The following MAP2K4 variants were observed in gnomAD, a reference collection of about 807,000 sequenced individuals.
MAP2K4 encodes dual specificity mitogen-activated protein kinase kinase 4.
In MAP2K4, 4 loss-of-function variants were observed where a neutral mutation model predicts 48.5. That is an observed-to-expected ratio of 0.08 (90% CI 0.04 to 0.19). MAP2K4 has a LOEUF of 0.19. Ranked by LOEUF, MAP2K4 falls within the 10% of genes least tolerant of loss-of-function variation. The probability of loss-of-function intolerance (pLI) is 1.00; values close to 1 mark genes in which losing one functional copy is unlikely to be tolerated. For missense variants in MAP2K4, 258 were observed against 493.3 expected (o/e 0.52, Z 4.52); for synonymous variants, 166 against 173.1 (o/e 0.96, Z 0.32).
chr17:12,123,685 G>C (rs1972765453), intron 7 of MAP2K4, among the ~76,000 whole-genome samples: 1 of 151,738 alleles, frequency 6.6e-6, no homozygotes, highest in Non-Finnish European at 1.5e-5. Flanking sequence ...ATTTTCTTCT[G>C]AGCACTACTT....
At chr17:12,132,283 A>G (rs1973053109) in intron 9 of MAP2K4, among the ~76,000 whole-genome samples, 1 of 152,200 alleles carries the variant, frequency 6.6e-6, no homozygotes, top group African/African-American at 2.4e-5. Context: ...TAAAAGACAT[A>G]TGTAAGAATG....
At chr17:12,063,304 G>GATCA (rs1970510128) in intron 2 of MAP2K4, among the ~76,000 whole-genome samples, 1 of 152,042 alleles carries the variant, frequency 6.6e-6, no homozygotes, top group African/African-American at 2.4e-5. Flanking sequence ...TAAACGAATA[G>GATCA]ATCAATGCAA....
chr17:12,060,316 C>T (rs942756661), intron 2 of MAP2K4, among the ~76,000 whole-genome samples: 3 of 152,042 alleles, frequency 2.0e-5, no homozygotes, highest in African/African-American at 4.8e-5. Flanking sequence ...ATTAGAATAG[C>T]GACATACACT....
At chr17:12,109,835 A>G (rs1972245724) in intron 5 of MAP2K4, among the ~76,000 whole-genome samples, 1 of 152,062 alleles carries the variant, frequency 6.6e-6, no homozygotes, top group Non-Finnish European at 1.5e-5. Context: ...TTTATTTTTG[A>G]ACATTTTAGA....
At chr17:12,079,270 A>G (rs1971112708) in intron 2 of MAP2K4, among the ~76,000 whole-genome samples, 2 of 152,236 alleles carry the variant, frequency 1.3e-5, no homozygotes, top group African/African-American at 2.4e-5. Flanking sequence ...AGTGAGCTAA[A>G]CTATTAGTAG....
intron 2 of MAP2K4, among the ~76,000 whole-genome samples, chr17:12,063,966 C>A (rs1466299836): frequency 3.1e-5 from 2 of 65,206 alleles, no homozygotes; most frequent in African/African-American, 1.1e-4. Flanking sequence ...GAGCAAAATT[C>A]TGTCAGGGGG....
At chr17:12,119,801 A>C (rs1248739655) in intron 7 of MAP2K4, among the ~76,000 whole-genome samples, 1 of 152,234 alleles carries the variant, frequency 6.6e-6, no homozygotes, top group Non-Finnish European at 1.5e-5. Context: ...ACTGTGGAAT[A>C]CTCTACAGCC....
chr17:12,045,969 T>C (rs1454061163), intron 1 of MAP2K4, among the ~76,000 whole-genome samples: 1 of 152,248 alleles, frequency 6.6e-6, no homozygotes, highest in East Asian at 1.9e-4. Flanking sequence ...GTACCTTTAC[T>C]GACTCTTGCT....
intron 1 of MAP2K4, among the ~76,000 whole-genome samples, chr17:12,043,930 A>G (rs552024433): frequency 2.6e-5 from 4 of 152,036 alleles, no homozygotes; most frequent in Non-Finnish European, 5.9e-5. Context: ...GGGGCGTGGC[A>G]GCTGAAAGTT....
At chr17:12,078,937 T>C (rs780191839) in intron 2 of MAP2K4, among the ~76,000 whole-genome samples, 7 of 152,220 alleles carry the variant, frequency 4.6e-5, no homozygotes, top group Non-Finnish European at 1.0e-4. Context: ...TAGCCCAGTA[T>C]AAAGACGAAT....
intron 9 of MAP2K4, among the ~76,000 whole-genome samples, chr17:12,129,667 G>A (rs919480571): frequency 2.6e-5 from 4 of 152,210 alleles, no homozygotes; most frequent in African/African-American, 9.7e-5. Context: ...TGAATCAAGA[G>A]CTTGCCAGAT....
At chr17:12,124,077 C>CAA (rs11354934) in intron 7 of MAP2K4, among the ~76,000 whole-genome samples, 1 of 151,472 alleles carries the variant, frequency 6.6e-6, no homozygotes, top group African/African-American at 2.4e-5. Context: ...ATATTTACAA[C>CAA]AAAAAAAAAC....
At chr17:12,133,601 T>C (rs1457494558) in intron 9 of MAP2K4, among the ~76,000 whole-genome samples, 2 of 152,180 alleles carry the variant, frequency 1.3e-5, no homozygotes, top group East Asian at 3.9e-4. Flanking sequence ...GAAATCACCA[T>C]TGGAATTTTT....
Position 12,055,660 on chromosome 17 carries a change from A to G in MAP2K4, c.218+669A>G, listed in dbSNP as rs1046788961. ...TAATTTCTCAACAATTTGCATCTAG[A>G]TCTTATTAGGCTTAAAATACATTTA... On this transcript the variant is annotated intron_variant, in intron 2 of 10. Transcript: ENST00000353533. Among the ~76,000 whole-genome samples, 14 of 152,110 alleles carry G rather than the reference A, an allele frequency of 9.2e-5. No homozygotes were observed. The East Asian group carries it at 2.5e-3, about 27-fold the overall frequency.
intron 3 of MAP2K4, among the ~76,000 whole-genome samples, chr17:12,088,326 G>A (rs1003316098): frequency 8.0e-5 from 12 of 150,428 alleles, no homozygotes; most frequent in African/African-American, 2.7e-4. Context: ...ACAATGAAGG[G>A]TATGTTTATG....
chr17:12,116,677 C>T (rs536917616), intron 7 of MAP2K4, among the ~76,000 whole-genome samples: 5 of 152,172 alleles, frequency 3.3e-5, no homozygotes, highest in East Asian at 3.9e-4. Context: ...TACATGGGCG[C>T]GATCAATCAC....
intron 8 of MAP2K4, 130 bp downstream of exon 8, chr17:12,125,501 G>T (rs560822821): frequency 3.9e-6 from 2 of 511,568 alleles, no homozygotes; most frequent in East Asian, 3.6e-5. Context: ...TTAAGTTGCT[G>T]AAAAAAAAAA....
At chr17:12,119,524 A>G (rs987910598) in intron 7 of MAP2K4, among the ~76,000 whole-genome samples, 4 of 152,214 alleles carry the variant, frequency 2.6e-5, no homozygotes, top group African/African-American at 9.6e-5. Context: ...GGGAATACTT[A>G]TATACTGTTG....
chr17:12,121,270 A>G (rs1972680064), intron 7 of MAP2K4, among the ~76,000 whole-genome samples: 1 of 152,226 alleles, frequency 6.6e-6, no homozygotes, highest in Admixed American at 6.5e-5. Context: ...TCCCCAAGAT[A>G]TATTATTATG....
Sources: gnomAD v4.1 joint callset for allele counts (sites outside exome capture counted in the v4.1 genomes callset) on GRCh38, gnomAD v4.1.1 for gene constraint, MANE v1.5 for transcripts, NCBI Gene and HGNC (gene_info 2026-07-23, HGNC 2026-07-21) for gene names.